The following ABCC4 variants were observed in gnomAD, a reference collection of about 807,000 sequenced individuals.
The protein encoded by ABCC4 is ATP-binding cassette sub-family C member 4.
In ABCC4, 102 loss-of-function variants were observed where a neutral mutation model predicts 168.5. The ratio of observed to expected loss-of-function variants is 0.61; its 90% CI spans 0.52 to 0.71. ABCC4 has a LOEUF of 0.71. ABCC4 is among the 30% of genes least tolerant of loss of function. The pLI is 0.00. For synonymous variants in ABCC4, 617 were observed against 590.7 expected (o/e 1.04, Z -0.65); for missense variants, 1,402 against 1,605.8 (o/e 0.87, Z 2.17).
intron 19 of ABCC4, among the ~76,000 whole-genome samples, chr13:95,146,185 T>G (rs1166288910): frequency 7.0e-6 from 1 of 143,482 alleles, no homozygotes; most frequent in East Asian, 2.0e-4. Flanking sequence ...CACTCCAGCC[T>G]GAGTGACAGA....
At chr13:95,164,911 G>C (rs1405242809) in intron 15 of ABCC4, among the ~76,000 whole-genome samples, 2 of 152,092 alleles carry the variant, frequency 1.3e-5, no homozygotes, top group East Asian at 3.9e-4. Flanking sequence ...TGGCCAGGCT[G>C]ATCTGGAACT....
chr13:95,113,478 T>C (rs1212812222), intron 20 of ABCC4, among the ~76,000 whole-genome samples: 4 of 151,998 alleles, frequency 2.6e-5, no homozygotes, highest in Admixed American at 1.3e-4. Context: ...CTTACCATAA[T>C]AGTGTTTATT....
intron 6 of ABCC4, 132 bp downstream of exon 6, chr13:95,209,302 G>T: frequency 1.8e-6 from 2 of 1,097,290 alleles, no homozygotes; most frequent in Non-Finnish European, 2.6e-6. Flanking sequence ...CCTTGGCTGA[G>T]CCTGAAGAGC....
At chr13:95,078,648 A>G (rs917390275) in intron 21 of ABCC4, among the ~76,000 whole-genome samples, 2 of 152,192 alleles carry the variant, frequency 1.3e-5, no homozygotes, top group Non-Finnish European at 2.9e-5. Flanking sequence ...AACTTGGTCA[A>G]TCTGGAAACA....
intron 1 of ABCC4, among the ~76,000 whole-genome samples, chr13:95,264,008 T>C (rs1398370218): frequency 1.3e-5 from 2 of 152,102 alleles, no homozygotes; most frequent in Non-Finnish European, 2.9e-5. Context: ...AGTAATGAAA[T>C]GTTCAAAGAA....
Position 95,273,041 on chromosome 13 carries a change from T to A in ABCC4, c.75-25288A>T, listed in dbSNP as rs2040884127. Among the ~76,000 whole-genome samples, 5 of 152,294 alleles carry A rather than the reference T, an allele frequency of 3.3e-5. No individual in the cohort carries two copies. In the South Asian group the frequency reaches 1.0e-3, roughly 32 times the overall value. On this transcript the variant is annotated intron_variant, in intron 1 of 30. Transcript: ENST00000645237. ...AAGAAAACAAACAGATATTTAGGCA[T>A]AATTAACCTGGAAAACAGGTTGGGC...
intron 5 of ABCC4, 39 bp from the exon 6 acceptor site, chr13:95,209,636 A>G (rs1164120064): frequency 2.5e-6 from 4 of 1,574,104 alleles, no homozygotes; most frequent in Non-Finnish European, 2.6e-6. Context: ...GGACTCCAGA[A>G]AAGCAAAACC....
At chr13:95,047,488 T>TTC (rs1383622025) in intron 27 of ABCC4, among the ~76,000 whole-genome samples, 1 of 141,560 alleles carries the variant, frequency 7.1e-6, no homozygotes, top group Non-Finnish European at 1.5e-5. Flanking sequence ...TTTTTTTTTT[T>TTC]TTTTTTTTTG....
At chr13:95,168,789 T>C (rs551463707) in intron 14 of ABCC4, among the ~76,000 whole-genome samples, 9 of 152,278 alleles carry the variant, frequency 5.9e-5, no homozygotes, top group African/African-American at 1.9e-4. Flanking sequence ...AAGTTCTCAC[T>C]AACCTCCATG....
chr13:95,042,331 T>G (rs558509347), intron 29 of ABCC4, among the ~76,000 whole-genome samples: 3 of 152,302 alleles, frequency 2.0e-5, no homozygotes, highest in African/African-American at 7.2e-5. Flanking sequence ...TCCAAATCTA[T>G]CCATTGCACC....
intron 4 of ABCC4, among the ~76,000 whole-genome samples, chr13:95,231,127 G>A (rs2039608985): frequency 6.6e-6 from 1 of 152,280 alleles, no homozygotes; most frequent in South Asian, 2.1e-4. Context: ...TGTGGAGAGG[G>A]GAGAGTGGAC....
intron 11 of ABCC4, among the ~76,000 whole-genome samples, chr13:95,179,127 C>T (rs1008626803): frequency 6.6e-6 from 1 of 152,180 alleles, no homozygotes; most frequent in Non-Finnish European, 1.5e-5. Context: ...GCTGGAGACC[C>T]AACCGTGAGG....
chr13:95,227,819 T>C (rs1049804431), intron 4 of ABCC4, among the ~76,000 whole-genome samples: 4 of 152,178 alleles, frequency 2.6e-5, no homozygotes, highest in Non-Finnish European at 1.5e-5. Context: ...AAGCAATTCT[T>C]GTGCCTCAGC....
At chr13:95,061,277 A>T (rs1206435378) in intron 26 of ABCC4, among the ~76,000 whole-genome samples, 6 of 152,124 alleles carry the variant, frequency 3.9e-5, no homozygotes, top group African/African-American at 1.4e-4. Context: ...TTTTTTGAGG[A>T]ATCTCTACAG....
chr13:95,065,519 A>G (rs1470465273), intron 25 of ABCC4, among the ~76,000 whole-genome samples: 1 of 152,232 alleles, frequency 6.6e-6, no homozygotes, highest in Non-Finnish European at 1.5e-5. Context: ...TTACTTCAGT[A>G]GCTACATAAT....
intron 11 of ABCC4, among the ~76,000 whole-genome samples, chr13:95,182,855 G>A (rs896411141): frequency 3.6e-4 from 54 of 152,100 alleles, no homozygotes; most frequent in African/African-American, 1.3e-3. Context: ...GTTTCCTGAG[G>A]TATGTCCTGT....
intron 20 of ABCC4, among the ~76,000 whole-genome samples, chr13:95,113,426 T>G (rs1375244510): frequency 6.6e-6 from 1 of 152,182 alleles, no homozygotes; most frequent in Non-Finnish European, 1.5e-5. Context: ...ATGAATTGAA[T>G]ATAATGTATT....
chr13:95,027,252 T>C (rs1328492587), intron 30 of ABCC4, among the ~76,000 whole-genome samples: 1 of 152,036 alleles, frequency 6.6e-6, no homozygotes, highest in East Asian at 1.9e-4. Flanking sequence ...AGCATTGTTT[T>C]GCAACTTTTT....
At chr13:95,114,489 C>T (rs371245493) in intron 20 of ABCC4, among the ~76,000 whole-genome samples, 1 of 151,940 alleles carries the variant, frequency 6.6e-6, no homozygotes, top group Non-Finnish European at 1.5e-5. Flanking sequence ...TCTATGTAAA[C>T]GGGGCAACTG....
Sources: gnomAD v4.1 joint callset for allele counts (sites outside exome capture counted in the v4.1 genomes callset) on GRCh38, gnomAD v4.1.1 for gene constraint, MANE v1.5 for transcripts, NCBI Gene and HGNC (gene_info 2026-07-23, HGNC 2026-07-21) for gene names.